The following FEZ2 variants were observed in gnomAD, a reference collection of about 807,000 sequenced individuals.
FEZ2 encodes the protein fasciculation and elongation protein zeta-2.
Under a neutral mutation model 40.4 loss-of-function variants are expected in FEZ2, and 51 were observed. The ratio of observed to expected loss-of-function variants is 1.26; its 90% CI spans 1.01 to 1.59. The LOEUF is 1.59. Ranked by LOEUF, FEZ2 falls within the 40% of genes most tolerant of loss-of-function variation. The pLI is 0.00. For synonymous variants in FEZ2, 242 were observed against 172.0 expected (o/e 1.41, Z -3.18); for missense variants, 640 against 438.3 (o/e 1.46, Z -4.11).
chr2:36,596,114 T>C (rs532964186), intron 1 of FEZ2, among the ~76,000 whole-genome samples: 50 of 152,344 alleles, frequency 3.3e-4, no homozygotes, highest in African/African-American at 1.2e-3. Context: ...ATGTCATCTT[T>C]TGCTACTGAC....
intron 5 of FEZ2, among the ~76,000 whole-genome samples, chr2:36,564,100 G>C (rs1668167116): frequency 1.3e-5 from 2 of 152,138 alleles, no homozygotes; most frequent in Non-Finnish European, 2.9e-5. Flanking sequence ...ACTTTACTAA[G>C]ATCAGTAAAG....
At chr2:36,584,677 A>G (rs1305355422) in intron 2 of FEZ2, among the ~76,000 whole-genome samples, 1 of 152,166 alleles carries the variant, frequency 6.6e-6, no homozygotes, top group Non-Finnish European at 1.5e-5. Flanking sequence ...TGTAGAACTA[A>G]CATGATAAAA....
chr2:36,587,547 G>C (rs1668936594), intron 2 of FEZ2, among the ~76,000 whole-genome samples: 1 of 152,168 alleles, frequency 6.6e-6, no homozygotes, highest in Non-Finnish European at 1.5e-5. Context: ...ATCAAATTTA[G>C]AAGTGTGCCA....
chr2:36,582,526 T>C (rs551583306), intron 3 of FEZ2, among the ~76,000 whole-genome samples: 3 of 152,320 alleles, frequency 2.0e-5, no homozygotes, highest in South Asian at 4.1e-4. Context: ...GTCATGTCTA[T>C]CCCTAGATTA....
At chr2:36,570,875 C>G (rs148142444) in intron 5 of FEZ2, among the ~76,000 whole-genome samples, 7 of 152,336 alleles carry the variant, frequency 4.6e-5, no homozygotes, top group African/African-American at 1.4e-4. Context: ...CGAAATATCA[C>G]TATGTGGCAC....
At chr2:36,592,820 AT>A (rs1669109411) in intron 1 of FEZ2, among the ~76,000 whole-genome samples, 1 of 152,094 alleles carries the variant, frequency 6.6e-6, no homozygotes, top group African/African-American at 2.4e-5. Flanking sequence ...GTCTCTAAAA[AT>A]ATATAAATAA....
chr2:36,586,834 T>C (rs1192577928), intron 2 of FEZ2, among the ~76,000 whole-genome samples: 1 of 152,106 alleles, frequency 6.6e-6, no homozygotes, highest in Non-Finnish European at 1.5e-5. Context: ...GTAGTCTAGC[T>C]ACTCAGGAAG....
intron 6 of FEZ2, chr2:36,555,963 A>G: frequency 1.5e-6 from 1 of 665,254 alleles, no homozygotes; most frequent in Non-Finnish European, 2.8e-6. Flanking sequence ...TTTCGGTAAG[A>G]ATATCCCACT....
chr2:36,565,841 TC>T (rs1232122443), intron 5 of FEZ2, among the ~76,000 whole-genome samples: 1 of 152,082 alleles, frequency 6.6e-6, no homozygotes, highest in Non-Finnish European at 1.5e-5. Context: ...GCACCTCCGG[TC>T]TCTGTTCACC....
chr2:36,584,530 A>C (rs191953132), intron 2 of FEZ2, among the ~76,000 whole-genome samples: 1 of 152,352 alleles, frequency 6.6e-6, no homozygotes, highest in Non-Finnish European at 1.5e-5. Flanking sequence ...ATCTGTCATG[A>C]CATGACTATT....
intron 5 of FEZ2, among the ~76,000 whole-genome samples, chr2:36,562,828 A>C (rs1052877532): frequency 1.3e-5 from 2 of 152,204 alleles, no homozygotes; most frequent in Non-Finnish European, 2.9e-5. Flanking sequence ...TATTTTCATA[A>C]AATATATTTT....
At chr2:36,593,141 A>G (rs1669117473) in intron 1 of FEZ2, among the ~76,000 whole-genome samples, 1 of 152,232 alleles carries the variant, frequency 6.6e-6, no homozygotes, top group African/African-American at 2.4e-5. Flanking sequence ...CAAGACTGGG[A>G]CGAAAAAGAG....
intron 1 of FEZ2, 64 bp downstream of exon 1, chr2:36,597,813 G>GC (rs5830430): frequency 1 from 1,226,839 of 1,226,892 alleles, 613,393 homozygotes; most frequent in Middle Eastern, 1. Flanking sequence ...CGGCCGTAGG[G>GC]CTGCCGGTCG....
At chr2:36,579,060 T>C in intron 4 of FEZ2, 195 bp from the exon 5 acceptor site, 1 of 543,450 alleles carries the variant, frequency 1.8e-6, no homozygotes, top group South Asian at 3.0e-5. Context: ...CAGATCTGAG[T>C]AGAGGTAAGT....
At chr2:36,582,640 G>A (rs1668783522) in intron 3 of FEZ2, among the ~76,000 whole-genome samples, 1 of 152,102 alleles carries the variant, frequency 6.6e-6, no homozygotes, top group Non-Finnish European at 1.5e-5. Flanking sequence ...TGACTAAGGA[G>A]GATCCAAATA....
chr2:36,589,472 CT>C (rs1558459166), intron 2 of FEZ2, among the ~76,000 whole-genome samples: 2 of 152,170 alleles, frequency 1.3e-5, no homozygotes, highest in Non-Finnish European at 2.9e-5. Flanking sequence ...ATTAAGTGTC[CT>C]TTAAAGCCCC....
chr2:36,589,260 C>A (rs1206781637), intron 2 of FEZ2, among the ~76,000 whole-genome samples: 1 of 152,188 alleles, frequency 6.6e-6, no homozygotes, highest in Non-Finnish European at 1.5e-5. Context: ...ACAAAGTGAT[C>A]TGGGGACTAG....
intron 6 of FEZ2, chr2:36,556,618 A>C (rs929398709): frequency 6.6e-6 from 1 of 152,250 alleles, no homozygotes; most frequent in South Asian, 2.1e-4. Flanking sequence ...ACGCTGAGCA[A>C]GCTACTTAAC....
intron 5 of FEZ2, among the ~76,000 whole-genome samples, chr2:36,567,681 G>C (rs1040818415): frequency 3.3e-5 from 5 of 151,790 alleles, no homozygotes; most frequent in African/African-American, 1.2e-4. Context: ...AGAATCACTT[G>C]AACCCGGGAG....
Sources: gnomAD v4.1 joint callset for allele counts (sites outside exome capture counted in the v4.1 genomes callset) on GRCh38, gnomAD v4.1.1 for gene constraint, MANE v1.5 for transcripts, NCBI Gene and HGNC (gene_info 2026-07-23, HGNC 2026-07-21) for gene names.